PHF8: variants seen among roughly 807,000 people sequenced by gnomAD.
PHF8 encodes histone lysine demethylase PHF8.
In PHF8, 9 loss-of-function variants were observed where a neutral mutation model predicts 74.4. The ratio of observed to expected loss-of-function variants is 0.12; its 90% CI spans 0.07 to 0.21. The LOEUF is 0.21. Ranked by LOEUF, PHF8 falls within the 10% of genes least tolerant of loss-of-function variation. The probability of loss-of-function intolerance (pLI) is 1.00; values close to 1 mark genes in which losing one functional copy is unlikely to be tolerated. For synonymous variants in PHF8, 311 were observed against 316.6 expected (o/e 0.98, Z 0.19); for missense variants, 478 against 816.6 (o/e 0.59, Z 5.05).
intron 18 of PHF8, among the ~76,000 whole-genome samples, chrX:53,967,905 T>C (rs2065235248): frequency 9.0e-6 from 1 of 111,535 alleles, no homozygotes; most frequent in Non-Finnish European, 1.9e-5. Flanking sequence ...GTTAAACAGA[T>C]GCTTGAAGGC....
At chrX:54,001,084 T>C (rs782537194) in intron 10 of PHF8, among the ~76,000 whole-genome samples, 6 of 111,980 alleles carry the variant, frequency 5.4e-5, no homozygotes, top group Non-Finnish European at 1.1e-4. Flanking sequence ...TCCCAGCACA[T>C]TGGGAGACTG....
At chrX:54,024,694 C>T (rs1213322945) in intron 2 of PHF8, among the ~76,000 whole-genome samples, 5 of 111,596 alleles carry the variant, frequency 4.5e-5, no homozygotes, top group Admixed American at 3.8e-4. Context: ...AGACTAATGC[C>T]GGTCTGTGAA....
chrX:53,959,009 A>G (rs1569524811), intron 19 of PHF8, among the ~76,000 whole-genome samples: 1 of 110,967 alleles, frequency 9.0e-6, no homozygotes, highest in East Asian at 2.8e-4. Flanking sequence ...AAAATAGCCT[A>G]TATGTTAGAA....
At chrX:54,038,636 A>G (rs1450363961) in intron 2 of PHF8, among the ~76,000 whole-genome samples, 1 of 112,126 alleles carries the variant, frequency 8.9e-6, no homozygotes, top group Non-Finnish European at 1.9e-5. Context: ...AAGCAATACC[A>G]TGTTTTTTGC....
At chrX:53,967,987 G>C (rs375101487) in intron 18 of PHF8, among the ~76,000 whole-genome samples, 4 of 96,038 alleles carry the variant, frequency 4.2e-5, no homozygotes, top group Admixed American at 3.1e-4. Context: ...GCGGAAGGCC[G>C]CAGGGTCCTC....
intron 10 of PHF8, among the ~76,000 whole-genome samples, chrX:54,001,099 G>A (rs1027036002): frequency 1.8e-5 from 2 of 111,742 alleles, no homozygotes; most frequent in South Asian, 3.7e-4. Flanking sequence ...AGACTGAGGC[G>A]GGCGGATCAC....
chrX:54,042,898 A>G, intron 1 of PHF8, 78 bp from the exon 2 acceptor site: 5 of 750,721 alleles, frequency 6.7e-6, no homozygotes, highest in Admixed American at 4.2e-5. Flanking sequence ...CAGTTCTCCA[A>G]TAGAGTTACC....
chrX:54,025,837 A>G (rs1194894786), intron 2 of PHF8, among the ~76,000 whole-genome samples: 1 of 110,704 alleles, frequency 9.0e-6, no homozygotes, highest in East Asian at 2.8e-4. Flanking sequence ...CTTTTCACCT[A>G]TTCACACATT....
chrX:54,007,835 A>C (rs2065919096), intron 8 of PHF8, among the ~76,000 whole-genome samples: 1 of 112,049 alleles, frequency 8.9e-6, no homozygotes, highest in Non-Finnish European at 1.9e-5. Context: ...TGCTTTGAAA[A>C]CAGTTTGTCA....
At chrX:54,001,961 T>C (rs781829431) in intron 10 of PHF8, among the ~76,000 whole-genome samples, 194 bp downstream of exon 10, 51 of 111,317 alleles carry the variant, frequency 4.6e-4, no homozygotes, top group Non-Finnish European at 8.3e-4. Flanking sequence ...TAGGGAGATT[T>C]TTTTTAAAGC....
In PHF8 at chrX:53,948,541, G is replaced by A. The variant is rs1259894685; in HGVS notation, c.2540-4298C>T. Among the ~76,000 whole-genome samples, 3 of 110,795 alleles carry A rather than the reference G, an allele frequency of 2.7e-5. No homozygotes were observed. The Admixed American group carries it at 2.9e-4, about 11-fold the overall frequency. On this transcript the variant is annotated intron_variant, in intron 19 of 21. Coordinates refer to ENST00000338154, the MANE Select transcript of PHF8 (RefSeq NM_015107.3). ...ACCTGCCTCGGTGTCCCAAAGTGCT[G>A]GGATTACAGGCGTGAACCATCGGGT...
chrX:54,009,606 A>G (rs918144673), intron 8 of PHF8, among the ~76,000 whole-genome samples: 7 of 109,087 alleles, frequency 6.4e-5, no homozygotes, highest in Admixed American at 5.0e-4. Flanking sequence ...GCACTTTGGG[A>G]GGCCAAGGCA....
intron 18 of PHF8, among the ~76,000 whole-genome samples, chrX:53,966,929 G>A (rs1437884295): frequency 1.7e-3 from 165 of 97,740 alleles, no homozygotes; most frequent in African/African-American, 4.7e-3. Context: ...TCGCGACCCC[G>A]TCTGGGAGGT....
intron 18 of PHF8, among the ~76,000 whole-genome samples, chrX:53,978,714 C>T (rs782102960): frequency 2.8e-5 from 3 of 105,998 alleles, no homozygotes; most frequent in East Asian, 3.0e-4. Flanking sequence ...AGGAGATTCA[C>T]GTGAATCCGG....
chrX:53,941,697 C>T (rs182179624), intron 20 of PHF8, among the ~76,000 whole-genome samples: 24 of 112,271 alleles, frequency 2.1e-4, no homozygotes, highest in African/African-American at 3.2e-4. Flanking sequence ...GTGGCTACCA[C>T]GGGCATTTCT....
intron 19 of PHF8, among the ~76,000 whole-genome samples, chrX:53,951,218 T>C (rs1205087115): frequency 8.9e-5 from 10 of 112,321 alleles, no homozygotes; most frequent in Non-Finnish European, 1.7e-4. Context: ...GAAGGAAGAA[T>C]TACTGACTTT....
chrX:53,985,765 G>A lies in PHF8; in HGVS notation c.2129+51C>T, dbSNP rs782677745. ...CTGACCTGGCACCTTGGGCGGGAGC[G>A]GGGGTTGCTGTCTGATAGCCTGGAA... is the stretch of plus-strand genomic sequence containing the variant. On this transcript the variant is annotated intron_variant, in intron 17 of 21. Coordinates refer to ENST00000338154, the MANE Select transcript of PHF8 (RefSeq NM_015107.3). The A allele has an allele frequency of 2.9e-5, 35 of 1,208,803 alleles. No homozygotes were observed. Among genetic ancestry groups the A allele is most frequent in the Middle Eastern group, 4.6e-4 (2 of 4,350 alleles).
intron 10 of PHF8, among the ~76,000 whole-genome samples, chrX:54,001,103 G>A (rs1346656962): frequency 2.7e-5 from 3 of 111,559 alleles, no homozygotes; most frequent in Admixed American, 9.5e-5. Flanking sequence ...TGAGGCGGGC[G>A]GATCACGAGG....
intron 19 of PHF8, among the ~76,000 whole-genome samples, chrX:53,962,492 C>G (rs1169531612): frequency 9.0e-6 from 1 of 111,310 alleles, no homozygotes; most frequent in Non-Finnish European, 1.9e-5. Context: ...TCCTTGACAA[C>G]AAAACTACCA....
Sources: allele counts gnomAD v4.1 joint callset (sites outside exome capture counted in the v4.1 genomes callset), GRCh38; gene constraint gnomAD v4.1.1; transcripts MANE v1.5; gene names NCBI Gene and HGNC (gene_info 2026-07-23, HGNC 2026-07-21).